Variants in UNC13C observed in about 807,000 individuals in gnomAD.
UNC13C encodes unc-13 homolog C.
Under a neutral mutation model 245.4 loss-of-function variants are expected in UNC13C, and 174 were observed. The ratio of observed to expected loss-of-function variants is 0.71; its 90% CI spans 0.63 to 0.80. The LOEUF is 0.80. Ranked by LOEUF, UNC13C falls within the 30% of genes least tolerant of loss-of-function variation. The pLI is 0.00. For missense variants in UNC13C, 2,829 were observed against 2,602.9 expected, an observed-to-expected ratio of 1.09 and a Z score of -1.89; for synonymous variants, 992 against 895.1, an observed-to-expected ratio of 1.11 and a Z score of -1.93.
intron 6 of UNC13C, 200 bp from the exon 7 acceptor site, chr15:54,237,419 T>A: frequency 1.5e-6 from 1 of 671,366 alleles, no homozygotes; most frequent in Non-Finnish European, 2.7e-6. Context: ...TTGGGTTTGA[T>A]GAGTTGTGGG....
chr15:53,976,511 G>A (rs997624314), upstream of UNC13C, among the ~76,000 whole-genome samples: 14 of 70,338 alleles, frequency 2.0e-4, no homozygotes, highest in African/African-American at 5.4e-4. Flanking sequence ...TTGCTCTGTC[G>A]CCCAGGCTGG....
intron 1 of UNC13C, among the ~76,000 whole-genome samples, chr15:54,009,774 T>C (rs1030684013): frequency 6.6e-6 from 1 of 152,164 alleles, no homozygotes; most frequent in African/African-American, 2.4e-5. Flanking sequence ...CTCGAATTCC[T>C]GACCTCATGA....
intron 8 of UNC13C, among the ~76,000 whole-genome samples, chr15:54,259,155 C>G (rs1273477761): frequency 1.3e-5 from 2 of 152,224 alleles, no homozygotes; most frequent in Non-Finnish European, 2.9e-5. Context: ...TTCCCAAAGG[C>G]CTCATCTTTT....
At chr15:54,605,739 G>A (rs28459534) in intron 30 of UNC13C, among the ~76,000 whole-genome samples, 6,057 of 152,260 alleles carry the variant, frequency 0.04, 219 homozygotes, top group Admixed American at 0.12. Context: ...AGTCAACCAG[G>A]ATGCAGCTAG....
intron 18 of UNC13C, among the ~76,000 whole-genome samples, chr15:54,396,442 T>G (rs2040071535): frequency 6.6e-6 from 1 of 151,752 alleles, no homozygotes; most frequent in African/African-American, 2.4e-5. Flanking sequence ...ATTTTGAGTT[T>G]CACCCATGTT....
intron 30 of UNC13C, among the ~76,000 whole-genome samples, chr15:54,585,504 G>A (rs1898442714): frequency 6.6e-6 from 1 of 152,118 alleles, no homozygotes; most frequent in African/African-American, 2.4e-5. Context: ...CCAGCCTCAG[G>A]TATTCGTTTA....
At chr15:54,120,147 G>A (rs555557480) in intron 2 of UNC13C, among the ~76,000 whole-genome samples, 6 of 152,246 alleles carry the variant, frequency 3.9e-5, no homozygotes, top group South Asian at 2.1e-4. Flanking sequence ...TCTATTGGAC[G>A]AAAACGACAC....
the UNC13C span, among the ~76,000 whole-genome samples, chr15:53,881,991 A>G: frequency 6.6e-6 from 1 of 152,176 alleles, no homozygotes; most frequent in Non-Finnish European, 1.5e-5. Flanking sequence ...GCCAGAAACA[A>G]GGGTCATAGT....
intron 9 of UNC13C, among the ~76,000 whole-genome samples, chr15:54,264,643 C>T (rs1434504045): frequency 6.6e-6 from 1 of 151,170 alleles, no homozygotes; most frequent in African/African-American, 2.4e-5. Context: ...AATATATTCA[C>T]CTGCAGTGTA....
chr15:53,853,756 CT>C, the UNC13C span, among the ~76,000 whole-genome samples: 1 of 152,044 alleles, frequency 6.6e-6, no homozygotes, highest in Non-Finnish European at 1.5e-5. Context: ...GATGATGAGC[CT>C]TTTTTCATAC....
At chr15:54,036,802 A>G (rs1353158523) in intron 2 of UNC13C, among the ~76,000 whole-genome samples, 2 of 152,236 alleles carry the variant, frequency 1.3e-5, no homozygotes, top group Admixed American at 1.3e-4. Flanking sequence ...TTCAAAGACC[A>G]AAACAGAATA....
chr15:54,227,580 C>T (rs2035426758), intron 4 of UNC13C, among the ~76,000 whole-genome samples: 1 of 152,154 alleles, frequency 6.6e-6, no homozygotes, highest in South Asian at 2.1e-4. Context: ...TCAGGACTTC[C>T]CTGAGTGCAC....
chr15:54,563,656 T>C (rs146982817), intron 29 of UNC13C, among the ~76,000 whole-genome samples: 4,194 of 152,174 alleles, frequency 0.028, 117 homozygotes, highest in Admixed American at 0.092. Context: ...TACAAATTCC[T>C]TTCTAGCATG....
At chr15:53,873,903 CCTTCCTTCCTTCCTTCCTTT>C in the UNC13C span, among the ~76,000 whole-genome samples, 9,503 of 40,544 alleles carry the variant, frequency 0.23, 697 homozygotes, top group East Asian at 0.37. Context: ...CTCTTTCCTT[CCTTCCTTCCTTCCTTCCTTT>C]CTTCCTTCCT....
intron 2 of UNC13C, among the ~76,000 whole-genome samples, chr15:54,058,809 A>G (rs1319179151): frequency 1.3e-5 from 2 of 152,226 alleles, no homozygotes; most frequent in Non-Finnish European, 2.9e-5. Flanking sequence ...GGTTCAACAT[A>G]TGCAAATCAA....
chr15:54,078,830 C>G (rs1418503223), intron 2 of UNC13C, among the ~76,000 whole-genome samples: 1 of 151,888 alleles, frequency 6.6e-6, no homozygotes, highest in Non-Finnish European at 1.5e-5. Flanking sequence ...TTCCATTTGT[C>G]TATTTTTGTT....
intron 17 of UNC13C, among the ~76,000 whole-genome samples, chr15:54,351,498 GCTC>G (rs2038981955): frequency 6.6e-6 from 1 of 152,034 alleles, no homozygotes; most frequent in Non-Finnish European, 1.5e-5. Context: ...CAAGGCTTGC[GCTC>G]CTCTTCCCCA....
At chr15:54,340,302 A>T (rs1438733754) in intron 17 of UNC13C, among the ~76,000 whole-genome samples, 1 of 151,890 alleles carries the variant, frequency 6.6e-6, no homozygotes, top group East Asian at 1.9e-4. Context: ...AATCCCACCT[A>T]TTTATCTTTG....
At chr15:53,858,817 G>A in the UNC13C span, among the ~76,000 whole-genome samples, 1 of 152,056 alleles carries the variant, frequency 6.6e-6, no homozygotes, top group Non-Finnish European at 1.5e-5. Context: ...TATGCATATG[G>A]TTAATATTAA....
Sources: gnomAD v4.1 joint callset for allele counts (sites outside exome capture counted in the v4.1 genomes callset) on GRCh38, gnomAD v4.1.1 for gene constraint, MANE v1.5 for transcripts, NCBI Gene and HGNC (gene_info 2026-07-23, HGNC 2026-07-21) for gene names.